The following BPNT2 variants were observed in gnomAD, a reference collection of about 807,000 sequenced individuals.
BPNT2 encodes 3'(2'), 5'-bisphosphate nucleotidase 2.
A neutral mutation model predicts 29.3 loss-of-function variants in BPNT2; 11 were observed. The ratio of observed to expected loss-of-function variants is 0.38; its 90% CI spans 0.24 to 0.62. The LOEUF is 0.62. BPNT2 is among the 20% of genes least tolerant of loss of function. BPNT2 has a pLI of 0.62. For missense variants in BPNT2, 459 were observed against 473.4 expected (o/e 0.97, Z 0.28); for synonymous variants, 195 against 187.7 (o/e 1.04, Z -0.32).
chr8:56,982,148 G>A (rs1436455442), intron 1 of BPNT2, among the ~76,000 whole-genome samples: 1 of 145,896 alleles, frequency 6.9e-6, no homozygotes, highest in African/African-American at 2.6e-5. Context: ...TTTTTGAGAC[G>A]GAGTCTCGCT....
chr8:56,976,065 C>T (rs1257763034), intron 3 of BPNT2, among the ~76,000 whole-genome samples: 4 of 152,120 alleles, frequency 2.6e-5, no homozygotes, highest in African/African-American at 9.7e-5. Flanking sequence ...GCCTCCTTTG[C>T]GACTAGGTTC....
chr8:56,973,422 C>T (rs899352691), intron 3 of BPNT2, among the ~76,000 whole-genome samples: 1 of 152,132 alleles, frequency 6.6e-6, no homozygotes, highest in Admixed American at 6.6e-5. Flanking sequence ...ACTAAAGATG[C>T]CACTGTTATA....
Position 56,958,579 on chromosome 8 carries a change from T to C in BPNT2, c.*5214A>G, listed in dbSNP as rs1164832310. ...AAGGTATTTTTATTTTATCTCATTG[T>C]TAGCCCAGTATAAGGCAGGATGACA... On this transcript the variant is annotated 3_prime_UTR_variant, in exon 5 of 5. Transcript: ENST00000262644. The C allele has an allele frequency of 1.3e-5, 2 of 152,236 alleles. No homozygotes were observed. Among genetic ancestry groups the C allele is most frequent in the Non-Finnish European group, 2.9e-5 (2 of 68,042 alleles). The allele number at this position is 152,236 out of a possible 1,614,324, so 9.4% of individuals were successfully genotyped here.
At chr8:56,992,865 G>A (rs1388462092) in intron 1 of BPNT2, among the ~76,000 whole-genome samples, 1 of 152,104 alleles carries the variant, frequency 6.6e-6, no homozygotes, top group Non-Finnish European at 1.5e-5. Context: ...AGTCTTGGTG[G>A]ATTTTAGCCA....
rs1405942232 is a variant in BPNT2 at position 56,963,021 on chromosome 8, G to C, written c.*772C>G. On this transcript the variant is annotated 3_prime_UTR_variant, in exon 5 of 5. Coordinates refer to ENST00000262644, the MANE Select transcript of BPNT2 (RefSeq NM_017813.5). Reference sequence around the variant, plus strand: ...TTACAAAGTTAAAGACTAAGTGTTGGTCAGAAGGAAAAGGATGCAACCATG... The same window carrying C: ...TTACAAAGTTAAAGACTAAGTGTTGCTCAGAAGGAAAAGGATGCAACCATG... The C allele has an allele frequency of 6.6e-6, 1 of 152,172 alleles. No individual in the cohort carries two copies. The highest frequency in any genetic ancestry group is 1.5e-5 in the Non-Finnish European group (1 of 68,032). 9.4% of individuals were successfully genotyped at this position (152,172 alleles called of 1,614,324 possible).
intron 1 of BPNT2, among the ~76,000 whole-genome samples, chr8:56,983,887 T>TA (rs1198032833): frequency 6.6e-6 from 1 of 152,106 alleles, no homozygotes; most frequent in Admixed American, 6.5e-5. Context: ...TGTGGTGACT[T>TA]ACCTTACCAG....
At chr8:56,978,727 G>C (rs1265445613) in intron 2 of BPNT2, among the ~76,000 whole-genome samples, 1 of 151,836 alleles carries the variant, frequency 6.6e-6, no homozygotes, top group African/African-American at 2.4e-5. Context: ...AAAAGAACAT[G>C]ATCAGGTCCT....
intron 1 of BPNT2, among the ~76,000 whole-genome samples, chr8:56,988,350 A>C (rs1373790845): frequency 6.6e-6 from 1 of 152,108 alleles, no homozygotes; most frequent in Non-Finnish European, 1.5e-5. Context: ...CCAACTCCTC[A>C]ATTTATTGGG....
intron 3 of BPNT2, among the ~76,000 whole-genome samples, chr8:56,976,249 A>C (rs1806130873): frequency 6.6e-6 from 1 of 152,176 alleles, no homozygotes; most frequent in Non-Finnish European, 1.5e-5. Flanking sequence ...GCAACAATAG[A>C]GATAGAACTG....
At position 56,963,862 on chromosome 8, in the gene BPNT2, A is replaced by G. The variant is rs1563403962; in HGVS notation, c.1011T>C (p.Ala337=). 1 of 1,614,150 alleles carries G rather than the reference A, an allele frequency of 6.2e-7. No homozygotes were observed. Among genetic ancestry groups the G allele is most frequent in the Non-Finnish European group, 8.5e-7 (1 of 1,180,024 alleles). ...GGGCCTGGTGGTTCATTCTGATGCT[A>G]GCAAGGAGTCCCCCTTCAATGCCGT... ...GSDGIEGGLL[A]SIRMNHQALV... is the part of the protein sequence containing the mutation. Residue 337 remains alanine (A), a synonymous_variant, in exon 5 of 5, where the codon GCT becomes GCC. Transcript: ENST00000262644.
chr8:56,993,653 C>T lies in BPNT2; in HGVS notation c.-68G>A. The T allele has an allele frequency of 8.5e-7, 1 of 1,170,420 alleles. No homozygotes were observed. The highest frequency in any genetic ancestry group is 1.1e-6 in the Non-Finnish European group (1 of 951,168). 72.5% of individuals were successfully genotyped at this position (1,170,420 alleles called of 1,614,324 possible). On this transcript the variant is annotated 5_prime_UTR_variant, in exon 1 of 5. Transcript: ENST00000262644. ...CTCCAGCGCCCGCCGCCGCCGCCGC[C>T]GCAGCCGCCGCGCTCCGGGCCAGGC...
chr8:56,959,791 C>T lies in BPNT2; in HGVS notation c.*4002G>A, dbSNP rs1805798613. The T allele has an allele frequency of 6.6e-6, 1 of 152,000 alleles. No individual in the cohort carries two copies. Among genetic ancestry groups the T allele is most frequent in the Admixed American group, 6.5e-5 (1 of 15,268 alleles). 9.4% of individuals were successfully genotyped at this position (152,000 alleles called of 1,614,324 possible). A position where few individuals can be genotyped will look rare whatever the true frequency, so the allele number is the denominator to read the frequency against. On this transcript the variant is annotated 3_prime_UTR_variant, in exon 5 of 5. Coordinates refer to ENST00000262644, the MANE Select transcript of BPNT2 (RefSeq NM_017813.5). ...TTCAATTTAATTTTAATGAATCTCC[C>T]CCAACTATAATATTAAAAACATCAA...
chr8:56,990,924 A>G (rs1371747354), intron 1 of BPNT2, among the ~76,000 whole-genome samples: 2 of 152,206 alleles, frequency 1.3e-5, no homozygotes, highest in African/African-American at 2.4e-5. Context: ...AGGATAAAAG[A>G]AAGAAGTATC....
At chr8:56,971,487 T>G (rs1287932805) in intron 3 of BPNT2, among the ~76,000 whole-genome samples, 1 of 152,108 alleles carries the variant, frequency 6.6e-6, no homozygotes, top group Non-Finnish European at 1.5e-5. Flanking sequence ...TGGAGATTTG[T>G]GACGATTTGA....
At chr8:56,992,714 G>A (rs10958516) in intron 1 of BPNT2, among the ~76,000 whole-genome samples, 123,090 of 140,232 alleles carry the variant, frequency 0.88, 53,866 homozygotes, top group Admixed American at 0.92. Flanking sequence ...TCCCGCGAGC[G>A]CACACACGCA....
intron 1 of BPNT2, among the ~76,000 whole-genome samples, chr8:56,992,134 C>T (rs1431272470): frequency 2.0e-5 from 3 of 152,094 alleles, no homozygotes; most frequent in African/African-American, 4.8e-5. Context: ...AAGCCTTATG[C>T]AAAATACATA....
chr8:56,965,762 G>C (rs973902297), intron 4 of BPNT2, among the ~76,000 whole-genome samples: 1 of 152,178 alleles, frequency 6.6e-6, no homozygotes, highest in Non-Finnish European at 1.5e-5. Flanking sequence ...GAGTTCAGGG[G>C]TGTTAAAAGT....
At chr8:56,985,769 T>C (rs1806317854) in intron 1 of BPNT2, among the ~76,000 whole-genome samples, 1 of 152,222 alleles carries the variant, frequency 6.6e-6, no homozygotes, top group East Asian at 1.9e-4. Flanking sequence ...ATGTCCACTT[T>C]TCTTTTCCTT....
At chr8:56,976,583 T>C (rs1030879866) in intron 3 of BPNT2, among the ~76,000 whole-genome samples, 8 of 152,172 alleles carry the variant, frequency 5.3e-5, no homozygotes, top group African/African-American at 1.7e-4. Context: ...AAAGGTCAGA[T>C]AGCACAAAGT....
Sources: gnomAD v4.1 joint callset for allele counts (sites outside exome capture counted in the v4.1 genomes callset) on GRCh38, gnomAD v4.1.1 for gene constraint, MANE v1.5 for transcripts, NCBI Gene and HGNC (gene_info 2026-07-23, HGNC 2026-07-21) for gene names.